ABI3BP: variants seen among roughly 807,000 people sequenced by gnomAD.
ABI3BP encodes the protein ABI family member 3 binding protein.
Under a neutral mutation model 268.6 loss-of-function variants are expected in ABI3BP, and 216 were observed. The observed-to-expected ratio is 0.80, with a 90% CI of 0.72 to 0.90. The LOEUF is 0.90. ABI3BP is among the 40% of genes least tolerant of loss of function. The probability of loss-of-function intolerance (pLI) is 0.00; values close to 1 mark genes in which losing one functional copy is unlikely to be tolerated. For synonymous variants in ABI3BP, 730 were observed against 730.0 expected (o/e 1.00, Z 0.00); for missense variants, 2,090 against 2,182.4 (o/e 0.96, Z 0.84).
At position 100,975,270 on chromosome 3, in the gene ABI3BP, A is replaced by G. The variant is rs116125970; in HGVS notation, c.79+18036T>C. On this transcript the variant is annotated intron_variant, in intron 1 of 67. Coordinates refer to ENST00000471714, the MANE Select transcript of ABI3BP (RefSeq NM_001375547.2). ...TTAGAAGATGCTTCCTTGTATTGTCATACTGAAATTCAACTTTAGTAAACA... is the reference window on the plus strand; with the variant it reads ...TTAGAAGATGCTTCCTTGTATTGTCGTACTGAAATTCAACTTTAGTAAACA... Among the ~76,000 whole-genome samples, 357 of 152,280 alleles carry G rather than the reference A, an allele frequency of 2.3e-3. 1 individual carries two copies. Among genetic ancestry groups the G allele is most frequent in the African/African-American group, 8.0e-3 (333 of 41,566 alleles).
At chr3:100,887,814 T>C (rs144922598) in intron 4 of ABI3BP, among the ~76,000 whole-genome samples, 39 of 152,056 alleles carry the variant, frequency 2.6e-4, no homozygotes, top group Non-Finnish European at 5.0e-4. Context: ...CCTAAGCTCT[T>C]GGTGATGCAA....
chr3:100,944,524 C>A (rs1561919749), intron 1 of ABI3BP, among the ~76,000 whole-genome samples: 1 of 152,000 alleles, frequency 6.6e-6, no homozygotes, highest in Non-Finnish European at 1.5e-5. Flanking sequence ...TTCCAGGGAG[C>A]AAATTGAAAA....
intron 62 of ABI3BP, among the ~76,000 whole-genome samples, chr3:100,766,286 G>A (rs1328717023): frequency 6.6e-6 from 1 of 152,198 alleles, no homozygotes; most frequent in Non-Finnish European, 1.5e-5. Flanking sequence ...ATAGTCTGCC[G>A]CTGCTGCAAA....
chr3:100,909,532 T>C (rs894818626), intron 2 of ABI3BP, among the ~76,000 whole-genome samples: 1 of 152,154 alleles, frequency 6.6e-6, no homozygotes. Context: ...AAAGGGTTAA[T>C]ATCCAGAATC....
intron 17 of ABI3BP, 79 bp from the exon 18 acceptor site, chr3:100,848,954 T>C (rs2098807644): frequency 3.3e-6 from 4 of 1,202,706 alleles, no homozygotes; most frequent in Non-Finnish European, 4.9e-6. Flanking sequence ...ATTTGCAAAC[T>C]CCAAGTACAA....
At chr3:100,826,402 G>A (rs1401646976) in intron 34 of ABI3BP, among the ~76,000 whole-genome samples, 2 of 152,016 alleles carry the variant, frequency 1.3e-5, no homozygotes. Context: ...CTCATGAGAT[G>A]GTCATCATCT....
At chr3:100,890,682 T>C (rs1020108481) in intron 4 of ABI3BP, among the ~76,000 whole-genome samples, 7 of 152,184 alleles carry the variant, frequency 4.6e-5, no homozygotes, top group African/African-American at 1.7e-4. Flanking sequence ...CTTTGCAATC[T>C]GTTGGCTGAC....
intron 14 of ABI3BP, among the ~76,000 whole-genome samples, chr3:100,854,930 G>GTT (rs67552039): frequency 6.7e-6 from 1 of 149,176 alleles, no homozygotes. Flanking sequence ...GTTAAATCAT[G>GTT]TTTTTTTTTT....
intron 57 of ABI3BP, among the ~76,000 whole-genome samples, chr3:100,785,901 A>G (rs2097026217): frequency 6.6e-6 from 1 of 152,172 alleles, no homozygotes; most frequent in Non-Finnish European, 1.5e-5. Flanking sequence ...TTGGATAATC[A>G]TATGATTTTT....
rs758118504 is a variant in ABI3BP, at chr3:100,926,525, T to G, written c.80-44A>C. ...ACATCGATGGCTGTTACTTCCCCTTTTTAGCATCCTACCCAACTTCCCAGC... is the reference window on the plus strand; with the variant it reads ...ACATCGATGGCTGTTACTTCCCCTTGTTAGCATCCTACCCAACTTCCCAGC... On this transcript the variant is annotated intron_variant, in intron 1 of 67. Transcript: ENST00000471714. 23 of 1,559,836 alleles carry G rather than the reference T, an allele frequency of 1.5e-5. No homozygotes were observed. In the South Asian group the frequency reaches 2.6e-4, roughly 18 times the overall value.
rs193296442 is a variant in ABI3BP, at chr3:100,824,886, C to G, written c.2718G>C (p.Pro906=). Residue 906 remains proline, a synonymous_variant, in exon 36 of 68, where the codon CCG becomes CCC. Transcript: ENST00000471714. ...RPPRPRPKTT[P]SPQAPETKPV... ...GTTTGGTCTCAGGTGCCTGAGGGCT[C>G]GGTGTAGTTTTAGGTCTGGGACGTG... 5.1e-5 allele frequency: 78 copies of G among 1,535,882 alleles called. 1 individual carries two copies. In the South Asian group the frequency reaches 8.8e-4, roughly 17 times the overall value.
intron 20 of ABI3BP, among the ~76,000 whole-genome samples, chr3:100,843,078 A>G (rs943701884): frequency 1.3e-4 from 20 of 152,222 alleles, no homozygotes; most frequent in Admixed American, 8.5e-4. Context: ...ACAAGTTTCT[A>G]TGTAGCAACT....
rs1560333842 is a variant in ABI3BP, at chr3:100,811,779, CAT to C, written c.3440_3441del (p.Tyr1147CysfsTer17). 12 of 1,535,486 alleles carry C rather than the reference CAT, an allele frequency of 7.8e-6. No individual in the cohort carries two copies. The highest frequency in any genetic ancestry group is 1.2e-5 in the South Asian group (1 of 84,036). On this transcript the variant is annotated frameshift_variant, in exon 47 of 68. Transcript: ENST00000471714. LOFTEE classifies it high-confidence loss of function. Reference protein sequence around the residue: ...KETIAPAKTDYVYPTAKAPLW... With the variant: ...KETIAPAKTDXVYPTAKAPLW... ...AGTGGTGCTTTGGCAGTGGGATATACATAGTCTGTTTTGGCTGGTGCTAGGGA... is the reference window on the plus strand; with the variant it reads ...AGTGGTGCTTTGGCAGTGGGATATACAGTCTGTTTTGGCTGGTGCTAGGGA...
At chr3:100,797,889 A>G (rs1186881353) in intron 51 of ABI3BP, among the ~76,000 whole-genome samples, 1 of 152,106 alleles carries the variant, frequency 6.6e-6, no homozygotes, top group Non-Finnish European at 1.5e-5. Flanking sequence ...GCCCACCACA[A>G]TAGTGAACAT....
chr3:100,862,681 T>A (rs1352303360), intron 13 of ABI3BP, 157 bp downstream of exon 13: 1 of 623,204 alleles, frequency 1.6e-6, no homozygotes. Flanking sequence ...TTGCAGAAAA[T>A]CCAAATAGAT....
intron 1 of ABI3BP, among the ~76,000 whole-genome samples, chr3:100,983,444 A>G (rs1029735958): frequency 1.4e-4 from 22 of 152,202 alleles, no homozygotes; most frequent in African/African-American, 4.8e-4. Context: ...TAACTCCTAT[A>G]TTTTGCACTG....
chr3:100,985,275 G>A (rs1163776474), intron 1 of ABI3BP, among the ~76,000 whole-genome samples: 5 of 148,568 alleles, frequency 3.4e-5, no homozygotes, highest in South Asian at 4.4e-4. Flanking sequence ...TCAGCCTCCC[G>A]AGTAGCTGTG....
chr3:100,825,127 T>A (rs888788781), intron 35 of ABI3BP, among the ~76,000 whole-genome samples, 186 bp from the exon 36 acceptor site: 2 of 152,200 alleles, frequency 1.3e-5, no homozygotes, highest in African/African-American at 4.8e-5. Context: ...GGCAAATTCA[T>A]GTATACAGTC....
chr3:100,880,817 T>C (rs2099221296), intron 6 of ABI3BP, among the ~76,000 whole-genome samples: 1 of 152,230 alleles, frequency 6.6e-6, no homozygotes, highest in South Asian at 2.1e-4. Context: ...AAGTTAGTGA[T>C]AACTAAGGAT....
Sources: allele counts gnomAD v4.1 joint callset (sites outside exome capture counted in the v4.1 genomes callset), GRCh38; gene constraint gnomAD v4.1.1; transcripts MANE v1.5; gene names NCBI Gene and HGNC (gene_info 2026-07-23, HGNC 2026-07-21).